EXTL3: variants seen among roughly 807,000 people sequenced by gnomAD.
EXTL3 encodes exostosin-like 3.
In EXTL3, 27 loss-of-function variants were observed where a neutral mutation model predicts 69.3. The observed-to-expected ratio is 0.39, with a 90% CI of 0.29 to 0.54. The LOEUF (loss-of-function observed/expected upper bound fraction) is 0.54, where lower values mean the gene tolerates loss of function less well. Ranked by LOEUF, EXTL3 falls within the 20% of genes least tolerant of loss-of-function variation. The pLI is 0.69. For synonymous variants in EXTL3, 511 were observed against 499.4 expected (o/e 1.02, Z -0.31); for missense variants, 1,003 against 1,231.8 (o/e 0.81, Z 2.78).
At chr8:28,686,320 CCT>C (rs1189342320) in intron 1 of EXTL3, among the ~76,000 whole-genome samples, 1 of 150,166 alleles carries the variant, frequency 6.7e-6, no homozygotes, top group Non-Finnish European at 1.5e-5. Flanking sequence ...ATAACAGTAT[CCT>C]CTCTCTCTCT....
chr8:28,732,458 A>G (rs576578728), intron 4 of EXTL3, among the ~76,000 whole-genome samples: 65 of 152,300 alleles, frequency 4.3e-4, no homozygotes, highest in Middle Eastern at 3.4e-3. Context: ...TGGTTTTAGT[A>G]TATTCAGAGT....
intron 3 of EXTL3, among the ~76,000 whole-genome samples, chr8:28,730,781 A>T (rs1801518620): frequency 7.0e-6 from 1 of 143,632 alleles, no homozygotes. Flanking sequence ...TTTATATCCC[A>T]AAAAGGCGTT....
chr8:28,722,706 CA>C (rs1801320354), intron 3 of EXTL3, among the ~76,000 whole-genome samples: 1 of 147,208 alleles, frequency 6.8e-6, no homozygotes. Flanking sequence ...CCTGGTAAGT[CA>C]AGGCTGCAGT....
intron 6 of EXTL3, among the ~76,000 whole-genome samples, chr8:28,749,515 C>T (rs767461681): frequency 1.6e-4 from 25 of 152,188 alleles, no homozygotes; most frequent in Non-Finnish European, 3.5e-4. Context: ...GCCAGTGTTT[C>T]CAAAGGCCCC....
rs1337589031 is a variant in EXTL3 at position 28,753,103 on chromosome 8, C to A, written c.*2237C>A. The A allele has an allele frequency of 6.6e-6, 1 of 152,290 alleles. No individual in the cohort carries two copies. Among genetic ancestry groups the A allele is most frequent in the East Asian group, 1.9e-4 (1 of 5,184 alleles). The allele number at this position is 152,290 out of a possible 1,614,324, so 9.4% of individuals were successfully genotyped here. ...GTGGTGCCGGTGCTTCCAACAAGGA[C>A]AGCCCTCCTTGACCCTGAAAGGAAC... On this transcript the variant is annotated 3_prime_UTR_variant, in exon 7 of 7. Transcript: ENST00000220562.
chr8:28,688,839 C>G (rs185480212), intron 1 of EXTL3, among the ~76,000 whole-genome samples: 1 of 152,306 alleles, frequency 6.6e-6, no homozygotes, highest in East Asian at 1.9e-4. Context: ...AATGGAGCAC[C>G]TAGTTTCAGA....
chr8:28,650,547 G>A (rs141664274), intron 1 of EXTL3, among the ~76,000 whole-genome samples: 2,084 of 151,936 alleles, frequency 0.014, 57 homozygotes, highest in African/African-American at 0.048. Context: ...TAGTAGAGAC[G>A]GGGTTTCACC....
At chr8:28,726,879 CTTTTTTTTTTTT>C (rs11458194) in intron 3 of EXTL3, among the ~76,000 whole-genome samples, 1 of 99,946 alleles carries the variant, frequency 1.0e-5, no homozygotes, top group African/African-American at 4.1e-5. Context: ...CTTTTCTTTT[CTTTTTTTTTTTT>C]TTTTTTTTTG....
Position 28,737,266 on chromosome 8 carries a change from T to G in EXTL3, c.2277-253T>G, listed in dbSNP as rs371674240. Among the ~76,000 whole-genome samples, 10 of 152,378 alleles carry G rather than the reference T, an allele frequency of 6.6e-5. No individual in the cohort carries two copies. In the East Asian group the frequency reaches 9.6e-4, roughly 15 times the overall value. On this transcript the variant is annotated intron_variant, in intron 4 of 6. Coordinates refer to ENST00000220562, the MANE Select transcript of EXTL3 (RefSeq NM_001440.4). The stretch of plus-strand genomic sequence containing the variant: ...ATCCCCTTTCCAAACTTAGGGCTTA[T>G]TCTTTCTGGAAGGGCTGGAGGATGC...
chr8:28,621,310 T>G (rs1005168884), upstream of EXTL3, among the ~76,000 whole-genome samples: 2 of 152,156 alleles, frequency 1.3e-5, no homozygotes, highest in African/African-American at 4.8e-5. Flanking sequence ...GGGGATATAT[T>G]TGGACACAGG....
Position 28,673,516 on chromosome 8 carries a change from G to A in EXTL3, c.-52-39941G>A, listed in dbSNP as rs1807332494. ...CCAGACTGGGATTTACACACCGTTG[G>A]TTCCCTGGTTCTCAGGACTTTGGAT... On this transcript the variant is annotated intron_variant, in intron 1 of 6. Transcript: ENST00000523149. 2.0e-5 allele frequency among the ~76,000 whole-genome samples: 3 copies of A among 152,126 alleles called. No individual in the cohort carries two copies. In the South Asian group the frequency reaches 6.2e-4, roughly 32 times the overall value.
At chr8:28,746,325 C>A (rs1313921963) in intron 6 of EXTL3, among the ~76,000 whole-genome samples, 3 of 152,130 alleles carry the variant, frequency 2.0e-5, no homozygotes, top group African/African-American at 7.2e-5. Flanking sequence ...AAATAGGCTT[C>A]ATTCAGGATA....
intron 1 of EXTL3, among the ~76,000 whole-genome samples, chr8:28,703,871 A>G (rs568306296): frequency 7.9e-5 from 12 of 152,312 alleles, no homozygotes; most frequent in African/African-American, 2.6e-4. Flanking sequence ...CATTTCGGCA[A>G]CTATCATTTC....
chr8:28,715,937 T>C lies in EXTL3; in HGVS notation c.-123T>C. The C allele has an allele frequency of 1.3e-6, 1 of 753,652 alleles. No individual in the cohort carries two copies. Among genetic ancestry groups the C allele is most frequent in the Non-Finnish European group, 2.2e-6 (1 of 458,864 alleles). The allele number at this position is 753,652 out of a possible 1,614,324, so 46.7% of individuals were successfully genotyped here. A position where few individuals can be genotyped will look rare whatever the true frequency, so the allele number is the denominator to read the frequency against. On this transcript the variant is annotated 5_prime_UTR_variant, in exon 3 of 7. Transcript: ENST00000220562. The stretch of plus-strand genomic sequence containing the variant: ...AATGTTCATTTTATTTGGTGCCTTG[T>C]CTGGGGAGCACACTAACTCTTCTGG...
At position 28,719,508 on chromosome 8, in the gene EXTL3, G is replaced by A. The variant is rs186354937; in HGVS notation, c.2148+1301G>A. Among the ~76,000 whole-genome samples, 884 of 152,232 alleles carry A rather than the reference G, an allele frequency of 5.8e-3. 9 individuals are homozygous for A. The highest frequency in any genetic ancestry group is 0.01 in the Non-Finnish European group (710 of 68,002). ...TACTGCCTACTTCCTTCTGTGCAAA[G>A]TGCCTCTTTGCTTTAAATTTTTTCT... On this transcript the variant is annotated intron_variant, in intron 3 of 6. Transcript: ENST00000220562.
chr8:28,680,385 C>CA (rs34805922), intron 1 of EXTL3, among the ~76,000 whole-genome samples: 1,556 of 110,768 alleles, frequency 0.014, 32 homozygotes, highest in African/African-American at 0.041. Context: ...GACTCTGTCT[C>CA]AAAAAAAAAA....
chr8:28,687,529 A>G (rs1807596875), intron 1 of EXTL3, among the ~76,000 whole-genome samples: 1 of 152,154 alleles, frequency 6.6e-6, no homozygotes, highest in Non-Finnish European at 1.5e-5. Flanking sequence ...AGAGAAAATA[A>G]TGATTTAGTT....
At chr8:28,616,717 G>T (rs1806336881) in intron 2 of EXTL3, among the ~76,000 whole-genome samples, 1 of 152,152 alleles carries the variant, frequency 6.6e-6, no homozygotes, top group African/African-American at 2.4e-5. Flanking sequence ...CTCTCTAAGT[G>T]AATTCAGTTA....
At chr8:28,649,456 T>C (rs945782734) in intron 1 of EXTL3, among the ~76,000 whole-genome samples, 4 of 152,236 alleles carry the variant, frequency 2.6e-5, no homozygotes, top group African/African-American at 9.6e-5. Context: ...CGTAATTGTT[T>C]GTACATGCCT....
Sources: gnomAD v4.1 joint callset for allele counts (sites outside exome capture counted in the v4.1 genomes callset) on GRCh38, gnomAD v4.1.1 for gene constraint, MANE v1.5 for transcripts, NCBI Gene and HGNC (gene_info 2026-07-23, HGNC 2026-07-21) for gene names.